TMEM132D: variants seen among roughly 807,000 people sequenced by gnomAD.
TMEM132D encodes transmembrane protein 132D.
In TMEM132D, 21 loss-of-function variants were observed where a neutral mutation model predicts 62.3. The observed-to-expected ratio is 0.34, with a 90% CI of 0.24 to 0.49. TMEM132D has a LOEUF of 0.49. Among genes scored for constraint, TMEM132D ranks in the 20% least tolerant of loss-of-function variants. The pLI is 0.99. For missense variants in TMEM132D, 1,346 were observed against 1,402.8 expected, an observed-to-expected ratio of 0.96 and a Z score of 0.65; for synonymous variants, 621 against 575.6, an observed-to-expected ratio of 1.08 and a Z score of -1.13.
intron 4 of TMEM132D, among the ~76,000 whole-genome samples, chr12:129,257,227 G>C (rs1225276447): frequency 1.4e-4 from 18 of 124,580 alleles, no homozygotes; most frequent in Non-Finnish European, 2.4e-4. Context: ...TTTTTTTTGA[G>C]ATAGAGTCTC....
intron 2 of TMEM132D, among the ~76,000 whole-genome samples, chr12:129,534,259 A>C (rs977110165): frequency 1.3e-5 from 2 of 152,198 alleles, no homozygotes; most frequent in Admixed American, 1.3e-4. Context: ...CTGTAGATTT[A>C]TGCTTAATAA....
At chr12:129,327,274 G>A (rs1868946664) in intron 4 of TMEM132D, among the ~76,000 whole-genome samples, 1 of 152,172 alleles carries the variant, frequency 6.6e-6, no homozygotes, top group Non-Finnish European at 1.5e-5. Context: ...ACAGCAGGGT[G>A]GAGAACAACA....
intron 5 of TMEM132D, among the ~76,000 whole-genome samples, chr12:129,096,028 G>A (rs1018634522): frequency 2.0e-5 from 3 of 152,148 alleles, no homozygotes; most frequent in Admixed American, 2.0e-4. Context: ...AGCTCCTGGT[G>A]GGGGCTTCAT....
intron 3 of TMEM132D, among the ~76,000 whole-genome samples, chr12:129,464,277 T>C (rs1374921556): frequency 6.6e-6 from 1 of 152,252 alleles, no homozygotes. Context: ...TATTTTCTTT[T>C]GAGAAGTGTC....
At chr12:129,334,311 A>G (rs1170358613) in intron 4 of TMEM132D, among the ~76,000 whole-genome samples, 2 of 152,190 alleles carry the variant, frequency 1.3e-5, no homozygotes, top group African/African-American at 4.8e-5. Context: ...AATAGCTGCA[A>G]TGTGGGTATG....
At chr12:129,638,572 T>TAAATTATATATAAATATAC (rs1879553830) in intron 2 of TMEM132D, among the ~76,000 whole-genome samples, 1 of 70,668 alleles carries the variant, frequency 1.4e-5, no homozygotes, top group Non-Finnish European at 3.2e-5. Flanking sequence ...TAAACATATA[T>TAAATTATATATAAATATAC]AAATTATATA....
rs749589095 is a variant in TMEM132D, at chr12:129,700,325, G to C, written c.453C>G (p.Ile151Met). 1 of 1,613,984 alleles carries C rather than the reference G, an allele frequency of 6.2e-7. No individual in the cohort carries two copies. Among genetic ancestry groups the C allele is most frequent in the South Asian group, 1.1e-5 (1 of 91,084 alleles). Residue 151 changes from isoleucine to methionine, a missense_variant, in exon 2 of 9, where the codon ATC (isoleucine) becomes ATG (methionine). Physicochemically the swap from Ile to Met is conservative, Grantham distance 10. Coordinates refer to ENST00000422113, the MANE Select transcript of TMEM132D (RefSeq NM_133448.3). ...SRPKVQVLFH[I>M]MGRDWDDRSA... is the part of the protein sequence containing the mutation. ...TGCGGTCGTCCCAGTCTCTGCCCATGATGTGGAACAGAACCTGCACTTTGG... is the reference window on the plus strand; with the variant it reads ...TGCGGTCGTCCCAGTCTCTGCCCATCATGTGGAACAGAACCTGCACTTTGG...
chr12:129,168,537 G>A (rs941126389), intron 5 of TMEM132D, among the ~76,000 whole-genome samples: 8 of 152,154 alleles, frequency 5.3e-5, no homozygotes, highest in Non-Finnish European at 1.0e-4. Context: ...TGCCTTTCAC[G>A]TCCAGCTTCC....
chr12:129,795,071 T>C (rs933714735), intron 1 of TMEM132D, among the ~76,000 whole-genome samples: 6 of 152,214 alleles, frequency 3.9e-5, no homozygotes, highest in African/African-American at 1.4e-4. Flanking sequence ...AGGAGGTTGA[T>C]TGACTATTTC....
At chr12:129,892,762 C>T (rs1874970034) in intron 1 of TMEM132D, among the ~76,000 whole-genome samples, 1 of 152,248 alleles carries the variant, frequency 6.6e-6, no homozygotes, top group Non-Finnish European at 1.5e-5. Context: ...TTACTAGGAG[C>T]CCAGAACCCT....
At chr12:129,620,936 A>G (rs55884537) in intron 2 of TMEM132D, among the ~76,000 whole-genome samples, 6,168 of 152,308 alleles carry the variant, frequency 0.04, 166 homozygotes, top group Admixed American at 0.077. Flanking sequence ...ACGTTTACCT[A>G]TGTAACAAAT....
At chr12:129,601,060 A>G (rs1027515132) in intron 2 of TMEM132D, among the ~76,000 whole-genome samples, 4 of 152,158 alleles carry the variant, frequency 2.6e-5, no homozygotes, top group African/African-American at 9.7e-5. Flanking sequence ...TTTACACGGA[A>G]AATCTTTTAT....
chr12:129,498,387 G>A (rs544261338), intron 3 of TMEM132D, among the ~76,000 whole-genome samples: 11 of 152,056 alleles, frequency 7.2e-5, no homozygotes, highest in East Asian at 1.9e-4. Context: ...CTGAGCACCC[G>A]GGGTTACAGG....
intron 5 of TMEM132D, among the ~76,000 whole-genome samples, chr12:129,160,728 G>T (rs952943294): frequency 1.3e-5 from 2 of 152,176 alleles, no homozygotes; most frequent in Non-Finnish European, 2.9e-5. Flanking sequence ...CTGATAGATA[G>T]ACAGGTCACA....
At chr12:129,606,964 T>C (rs1370925858) in intron 2 of TMEM132D, among the ~76,000 whole-genome samples, 1 of 152,190 alleles carries the variant, frequency 6.6e-6, no homozygotes, top group Admixed American at 6.5e-5. Flanking sequence ...ACATTTATTA[T>C]GCTTTTCTGC....
chr12:129,512,180 C>G (rs1335877839), intron 3 of TMEM132D, among the ~76,000 whole-genome samples: 1 of 152,200 alleles, frequency 6.6e-6, no homozygotes, highest in African/African-American at 2.4e-5. Context: ...CTGCCTCTTA[C>G]CCCACTACTT....
intron 2 of TMEM132D, among the ~76,000 whole-genome samples, chr12:129,616,522 C>G (rs1019140977): frequency 1.3e-5 from 2 of 152,134 alleles, no homozygotes; most frequent in East Asian, 3.9e-4. Flanking sequence ...CCCCATGTAT[C>G]GTGGGAGGGA....
intron 3 of TMEM132D, among the ~76,000 whole-genome samples, chr12:129,421,206 G>A (rs1248403256): frequency 2.6e-5 from 4 of 152,010 alleles, no homozygotes; most frequent in Non-Finnish European, 4.4e-5. Context: ...CAAATGATCC[G>A]CCTGCCTCAG....
At chr12:129,210,811 C>T (rs1443737927) in intron 4 of TMEM132D, 2 of 152,292 alleles carry the variant, frequency 1.3e-5, no homozygotes, top group East Asian at 3.9e-4. Flanking sequence ...CTTCTTGCTC[C>T]CCAGCTCCTC....
Sources: gnomAD v4.1 joint callset for allele counts (sites outside exome capture counted in the v4.1 genomes callset) on GRCh38, gnomAD v4.1.1 for gene constraint, MANE v1.5 for transcripts, NCBI Gene and HGNC (gene_info 2026-07-23, HGNC 2026-07-21) for gene names.